Variants in SLC1A1 observed in about 807,000 individuals in gnomAD.
SLC1A1 encodes the protein solute carrier family 1 member 1.
Under a neutral mutation model 53.3 loss-of-function variants are expected in SLC1A1, and 43 were observed. The observed-to-expected ratio is 0.81, with a 90% CI of 0.63 to 1.04. The LOEUF (loss-of-function observed/expected upper bound fraction) is 1.04. SLC1A1 is among the 50% of genes least tolerant of loss of function. SLC1A1 has a pLI of 0.00. For missense variants in SLC1A1, 748 were observed against 664.9 expected (o/e 1.12, Z -1.37); for synonymous variants, 307 against 243.2 (o/e 1.26, Z -2.44).
At chr9:4,492,959 G>A (rs1446275712) in intron 1 of SLC1A1, among the ~76,000 whole-genome samples, 2 of 152,150 alleles carry the variant, frequency 1.3e-5, no homozygotes, top group African/African-American at 2.4e-5. Flanking sequence ...GCGATTCACT[G>A]GAGACTGGTT....
At position 4,511,957 on chromosome 9, in the gene SLC1A1, C is replaced by T. The variant is rs560554070; in HGVS notation, c.91+21187C>T. Among the ~76,000 whole-genome samples the T allele has an allele frequency of 5.3e-5, 8 of 152,288 alleles. No homozygotes were observed. In the South Asian group the frequency reaches 1.0e-3, roughly 20 times the overall value. On this transcript the variant is annotated intron_variant, in intron 1 of 11. Transcript: ENST00000262352. ...ACAACTGAAAATGGAAATTTAAATA[C>T]ATTGTGTGACATAGCTCCAAAAGGT...
intron 10 of SLC1A1, among the ~76,000 whole-genome samples, chr9:4,577,770 C>T (rs1428030680): frequency 3.9e-5 from 6 of 152,172 alleles, no homozygotes; most frequent in African/African-American, 7.2e-5. Context: ...CCACCACGCC[C>T]GGCAGATTTG....
chr9:4,496,594 T>G (rs1820431232), intron 1 of SLC1A1, among the ~76,000 whole-genome samples: 1 of 152,004 alleles, frequency 6.6e-6, no homozygotes, highest in Non-Finnish European at 1.5e-5. Context: ...AGAGAAGTGA[T>G]CATTAAAAAT....
At chr9:4,492,244 T>G (rs1230203834) in intron 1 of SLC1A1, among the ~76,000 whole-genome samples, 1 of 152,186 alleles carries the variant, frequency 6.6e-6, no homozygotes, top group African/African-American at 2.4e-5. Context: ...TTGATTTCCT[T>G]TAGGCCAAAG....
chr9:4,568,695 CAAAA>C (rs57351478), intron 6 of SLC1A1, among the ~76,000 whole-genome samples: 3 of 102,762 alleles, frequency 2.9e-5, no homozygotes, highest in Non-Finnish European at 4.3e-5. Context: ...ACTCTTGTTT[CAAAA>C]AAAAAAAAAA....
chr9:4,540,099 T>TCTGCTGC (rs1490165093), intron 1 of SLC1A1, among the ~76,000 whole-genome samples: 35 of 151,910 alleles, frequency 2.3e-4, no homozygotes, highest in Non-Finnish European at 4.4e-4. Flanking sequence ...AACCCCAGTC[T>TCTGCTGC]CCAACAGCAG....
chr9:4,527,231 C>T (rs1433631281), intron 1 of SLC1A1, among the ~76,000 whole-genome samples: 1 of 152,122 alleles, frequency 6.6e-6, no homozygotes, highest in African/African-American at 2.4e-5. Flanking sequence ...CCCTAAGCTC[C>T]AGGAAGGAAT....
At chr9:4,573,542 C>T (rs1008086395) in intron 7 of SLC1A1, among the ~76,000 whole-genome samples, 3 of 152,052 alleles carry the variant, frequency 2.0e-5, no homozygotes, top group Admixed American at 2.0e-4. Context: ...TAGAAAGAGC[C>T]ATATTTGGCA....
chr9:4,559,321 A>T (rs1276852758), intron 2 of SLC1A1, among the ~76,000 whole-genome samples: 1 of 152,186 alleles, frequency 6.6e-6, no homozygotes, highest in Non-Finnish European at 1.5e-5. Context: ...TCAGTGGTTG[A>T]TGAATGGCGC....
chr9:4,529,084 T>G (rs1564010138), intron 1 of SLC1A1, among the ~76,000 whole-genome samples: 1 of 152,140 alleles, frequency 6.6e-6, no homozygotes, highest in East Asian at 1.9e-4. Context: ...GTCCACCTCC[T>G]AAATTTGTTC....
Position 4,549,496 on chromosome 9 carries a change from T to TTACC in SLC1A1, c.232+4789_232+4790insTACC, listed in dbSNP as rs1817754970. ...GCTCCCTGAAGGGGCTCCCAGGGCC[T>TTACC]CTTAACAGGGATGCCCCTCTGCTTA... On this transcript the variant is annotated intron_variant, in intron 2 of 11. Coordinates refer to ENST00000262352, the MANE Select transcript of SLC1A1 (RefSeq NM_004170.6). The surrounding 1 kb of genome is among the most constrained non-coding windows in gnomAD (Gnocchi z 4.1). Among the ~76,000 whole-genome samples the TTACC allele has an allele frequency of 6.6e-6, 1 of 152,160 alleles. No homozygotes were observed. Among genetic ancestry groups the TTACC allele is most frequent in the African/African-American group, 2.4e-5 (1 of 41,410 alleles).
chr9:4,544,463 T>C, intron 1 of SLC1A1, 104 bp from the exon 2 acceptor site: 1 of 963,128 alleles, frequency 1.0e-6, no homozygotes, highest in Non-Finnish European at 1.7e-6. Flanking sequence ...AAACTATTTT[T>C]CTTGCCATTA....
chr9:4,497,108 C>A (rs1326961706), intron 1 of SLC1A1, among the ~76,000 whole-genome samples: 1 of 151,990 alleles, frequency 6.6e-6, no homozygotes, highest in Non-Finnish European at 1.5e-5. Flanking sequence ...CAAATTACCA[C>A]AAACCGGGTG....
intron 7 of SLC1A1, 24 bp from the exon 8 acceptor site, chr9:4,573,883 G>C (rs575270957): frequency 6.8e-7 from 1 of 1,470,302 alleles, no homozygotes; most frequent in Non-Finnish European, 9.5e-7. Context: ...ACGGAATCAC[G>C]CCTCTGTTGT....
rs868521239 is a variant in SLC1A1, at chr9:4,582,933, C to A, written c.1194-105C>A. On this transcript the variant is annotated intron_variant, in intron 10 of 11. Transcript: ENST00000262352. ...ATTCTAACTACCCAATTTAGGGACA[C>A]AGCAGTAATAGCCATCGGGACTAAG... 2.1e-4 allele frequency: 303 copies of A among 1,415,466 alleles called. 1 individual carries two copies. In the Middle Eastern group the frequency reaches 4.6e-3, roughly 21 times the overall value. The allele number at this position is 1,415,466 out of a possible 1,614,324, so 87.7% of individuals were successfully genotyped here. A position where few individuals can be genotyped will look rare whatever the true frequency, so the allele number is the denominator to read the frequency against.
At position 4,491,204 on chromosome 9, in the gene SLC1A1, C is replaced by G. The variant is rs375176482; in HGVS notation, c.91+434C>G. ...CAGAGATTGAGTGTGGATTACAGTT[C>G]TCAGTCGAATTGGAAGAGGCACCCT... On this transcript the variant is annotated intron_variant, in intron 1 of 11. Coordinates refer to ENST00000262352, the MANE Select transcript of SLC1A1 (RefSeq NM_004170.6). 8.5e-4 allele frequency among the ~76,000 whole-genome samples: 129 copies of G among 152,334 alleles called. 1 individual carries two copies. Among genetic ancestry groups the G allele is most frequent in the African/African-American group, 2.9e-3 (120 of 41,582 alleles).
Position 4,564,428 on chromosome 9 carries a change from G to C in SLC1A1, c.410G>C (p.Ser137Thr), listed in dbSNP as rs149969951. 9.3e-6 allele frequency: 15 copies of C among 1,613,276 alleles called. No individual in the cohort carries two copies. Among genetic ancestry groups the C allele is most frequent in the Non-Finnish European group, 1.3e-5 (15 of 1,179,526 alleles). ...AGGACAGGCAGCACCCCTGAAGTCA[G>C]TACGGTGGATGCCATGTTAGATCTC... ...IARTGSTPEV[S>T]TVDAMLDLIR... Residue 137 changes from serine (S) to threonine (T), a missense_variant, in exon 4 of 12, where the codon AGT becomes ACT. By Grantham distance (58) the Ser-to-Thr change is moderately conservative. Transcript: ENST00000262352.
chr9:4,554,022 G>A (rs1355684579), intron 2 of SLC1A1: 1 of 152,116 alleles, frequency 6.6e-6, no homozygotes, highest in African/African-American at 2.4e-5. Flanking sequence ...GAAACATTTT[G>A]GAATTTAAAA....
intron 1 of SLC1A1, among the ~76,000 whole-genome samples, chr9:4,509,097 G>C (rs1001346358): frequency 6.6e-6 from 1 of 152,164 alleles, no homozygotes; most frequent in Non-Finnish European, 1.5e-5. Context: ...GGGGTGGGTA[G>C]GAGTTTATTA....
Sources: allele counts gnomAD v4.1 joint callset (sites outside exome capture counted in the v4.1 genomes callset), GRCh38; gene constraint gnomAD v4.1.1; non-coding constraint Gnocchi (gnomAD v3.1); transcripts MANE v1.5; gene names NCBI Gene and HGNC (gene_info 2026-07-23, HGNC 2026-07-21).